Variants in TBC1D15 observed in about 807,000 individuals in gnomAD.
TBC1D15 encodes the protein TBC1 domain family member 15.
In TBC1D15, 39 loss-of-function variants were observed where a neutral mutation model predicts 95.4. That is an observed-to-expected ratio of 0.41 (90% CI 0.32 to 0.53). TBC1D15 has a LOEUF of 0.53. Among genes scored for constraint, TBC1D15 ranks in the 20% least tolerant of loss-of-function variants. The pLI is 0.29. For synonymous variants in TBC1D15, 258 were observed against 261.3 expected, an observed-to-expected ratio of 0.99 and a Z score of 0.12; for missense variants, 733 against 794.3, an observed-to-expected ratio of 0.92 and a Z score of 0.93.
chr12:71,856,754 T>C (rs1361177400), intron 1 of TBC1D15, among the ~76,000 whole-genome samples: 1 of 152,188 alleles, frequency 6.6e-6, no homozygotes, highest in African/African-American at 2.4e-5. Flanking sequence ...CAGATTGGGA[T>C]GCAAACAGCA....
At chr12:71,862,042 T>G (rs2138135577) in intron 1 of TBC1D15, among the ~76,000 whole-genome samples, 1 of 152,338 alleles carries the variant, frequency 6.6e-6, no homozygotes, top group Non-Finnish European at 1.5e-5. Flanking sequence ...GAAAAGATAC[T>G]TCTTATAATC....
chr12:71,844,471 A>G (rs1885833324), intron 1 of TBC1D15, among the ~76,000 whole-genome samples: 1 of 152,282 alleles, frequency 6.6e-6, no homozygotes. Context: ...TATACCCTCT[A>G]CTAATTAAAA....
At chr12:71,847,539 AC>A (rs1170071801) in intron 1 of TBC1D15, among the ~76,000 whole-genome samples, 1 of 151,964 alleles carries the variant, frequency 6.6e-6, no homozygotes, top group Non-Finnish European at 1.5e-5. Context: ...TACTAAAAAT[AC>A]AAAAATTAGC....
At chr12:71,918,672 C>T in intron 14 of TBC1D15, 124 bp downstream of exon 14, 2 of 588,300 alleles carry the variant, frequency 3.4e-6, no homozygotes, top group South Asian at 2.7e-5. Flanking sequence ...TTCCAAAATT[C>T]TGATGAACTG....
chr12:71,858,965 C>T (rs1299913453), intron 1 of TBC1D15, among the ~76,000 whole-genome samples: 3 of 150,578 alleles, frequency 2.0e-5, no homozygotes, highest in African/African-American at 7.4e-5. Flanking sequence ...ATATCCTCAC[C>T]AGCATTTTTT....
chr12:71,922,365 G>A (rs535550164), intron 16 of TBC1D15, among the ~76,000 whole-genome samples: 4 of 151,630 alleles, frequency 2.6e-5, no homozygotes, highest in African/African-American at 9.7e-5. Flanking sequence ...GATTACAGGC[G>A]TGACCCATCA....
rs139712148 is a variant in TBC1D15 at position 71,891,845 on chromosome 12, T to G, written c.555-1377T>G. On this transcript the variant is annotated intron_variant, in intron 5 of 16. Coordinates refer to ENST00000485960, the MANE Select transcript of TBC1D15 (RefSeq NM_001146213.3). Reference sequence around the variant, plus strand: ...AGCCATAGAGTTATCTGAACCCAGATAGCTGAAAGTTGCCTATTTGTTCCT... The same window carrying G: ...AGCCATAGAGTTATCTGAACCCAGAGAGCTGAAAGTTGCCTATTTGTTCCT... 3.8e-4 allele frequency among the ~76,000 whole-genome samples: 58 copies of G among 152,272 alleles called. 1 individual carries two copies. The highest frequency in any genetic ancestry group is 1.3e-3 in the African/African-American group (53 of 41,584).
chr12:71,840,588 A>G (rs1592672187), intron 1 of TBC1D15, among the ~76,000 whole-genome samples: 1 of 152,164 alleles, frequency 6.6e-6, no homozygotes, highest in Non-Finnish European at 1.5e-5. Flanking sequence ...AGTTAGGGCT[A>G]TCAGCTTTAT....
At chr12:71,865,191 G>A (rs1230244761) in intron 1 of TBC1D15, among the ~76,000 whole-genome samples, 1 of 152,220 alleles carries the variant, frequency 6.6e-6, no homozygotes, top group East Asian at 1.9e-4. Context: ...TCTGGGTCTT[G>A]GGATGCAGGT....
In TBC1D15 at chr12:71,902,993, A is replaced by G. The variant is rs191654301; in HGVS notation, c.1184-4029A>G. 2.1e-4 allele frequency among the ~76,000 whole-genome samples: 32 copies of G among 152,228 alleles called. No individual in the cohort carries two copies. In the East Asian group the frequency reaches 5.8e-3, roughly 28 times the overall value. ...AGCAGTGCAATCTCGGCTCACTGCAACCCCTGCCTCCCGGGTTCAAGCAAT... is the reference window on the plus strand; with the variant it reads ...AGCAGTGCAATCTCGGCTCACTGCAGCCCCTGCCTCCCGGGTTCAAGCAAT... On this transcript the variant is annotated intron_variant, in intron 10 of 16. Transcript: ENST00000485960.
chr12:71,864,251 G>A (rs190114851), intron 1 of TBC1D15, among the ~76,000 whole-genome samples: 1 of 151,998 alleles, frequency 6.6e-6, no homozygotes, highest in East Asian at 1.9e-4. Context: ...TGCATTTTTA[G>A]TACAGATGGG....
chr12:71,896,411 T>TA, intron 8 of TBC1D15: 1 of 460,418 alleles, frequency 2.2e-6, no homozygotes, highest in East Asian at 3.6e-5. Flanking sequence ...AGATTGGGCT[T>TA]AGACTCACCA....
At chr12:71,872,552 G>C (rs1457844894) in intron 2 of TBC1D15, among the ~76,000 whole-genome samples, 1 of 152,114 alleles carries the variant, frequency 6.6e-6, no homozygotes, top group Non-Finnish European at 1.5e-5. Flanking sequence ...ATTGAATACT[G>C]TGCTGAAAGT....
intron 11 of TBC1D15, 185 bp from the exon 12 acceptor site, chr12:71,913,641 C>A: frequency 2.0e-6 from 1 of 495,780 alleles, no homozygotes. Context: ...ACTCATCTTT[C>A]TTACTTATGA....
At chr12:71,920,595 C>T (rs1868920551) in intron 14 of TBC1D15, 136 bp from the exon 15 acceptor site, 1 of 700,842 alleles carries the variant, frequency 1.4e-6, no homozygotes, top group African/African-American at 1.8e-5. Context: ...CATTTCCTAG[C>T]TAGAAAAACC....
intron 11 of TBC1D15, among the ~76,000 whole-genome samples, chr12:71,911,776 A>T (rs948859171): frequency 8.6e-5 from 13 of 151,706 alleles, no homozygotes; most frequent in African/African-American, 2.7e-4. Context: ...AGTATAATTT[A>T]AAAAAACTGT....
At chr12:71,839,900 G>A (rs1376199753) in intron 1 of TBC1D15, 89 bp downstream of exon 1, 3 of 1,515,670 alleles carry the variant, frequency 2.0e-6, no homozygotes, top group Non-Finnish European at 2.7e-6. Flanking sequence ...AGGGACACGA[G>A]GGACTTTCTG....
At chr12:71,861,374 A>G in intron 1 of TBC1D15, 1 of 1,247,262 alleles carries the variant, frequency 8.0e-7, no homozygotes, top group Non-Finnish European at 1.1e-6. Flanking sequence ...TTACTGATTC[A>G]AACTTACTGT....
At chr12:71,882,931 T>C (rs1365550015) in intron 4 of TBC1D15, among the ~76,000 whole-genome samples, 1 of 152,280 alleles carries the variant, frequency 6.6e-6, no homozygotes, top group Non-Finnish European at 1.5e-5. Context: ...ATATGTCTCT[T>C]CTGTTAATGA....
Sources: gnomAD v4.1 joint callset for allele counts (sites outside exome capture counted in the v4.1 genomes callset) on GRCh38, gnomAD v4.1.1 for gene constraint, MANE v1.5 for transcripts, NCBI Gene and HGNC (gene_info 2026-07-23, HGNC 2026-07-21) for gene names.